Variants in DCDC2C observed in about 807,000 individuals in gnomAD.
DCDC2C encodes the protein doublecortin domain-containing protein 2C.
In DCDC2C, 44 loss-of-function variants were observed where a neutral mutation model predicts 45.0. The ratio of observed to expected loss-of-function variants is 0.98; its 90% CI spans 0.77 to 1.26. The LOEUF (loss-of-function observed/expected upper bound fraction) is 1.26, where lower values mean the gene tolerates loss of function less well. Among genes scored for constraint, DCDC2C ranks in the 50% most tolerant of loss-of-function variants. DCDC2C has a pLI of 0.00. For missense variants in DCDC2C, 447 were observed against 468.9 expected, an observed-to-expected ratio of 0.95 and a Z score of 0.43; for synonymous variants, 187 against 178.8, an observed-to-expected ratio of 1.05 and a Z score of -0.37.
At chr2:3,736,886 A>T (rs1427536387) in intron 3 of DCDC2C, among the ~76,000 whole-genome samples, 1 of 152,214 alleles carries the variant, frequency 6.6e-6, no homozygotes, top group African/African-American at 2.4e-5. Flanking sequence ...CTTAGTTTTA[A>T]AGAATAATGC....
At chr2:3,710,038 A>T (rs1019392596) in intron 2 of DCDC2C, among the ~76,000 whole-genome samples, 3 of 152,134 alleles carry the variant, frequency 2.0e-5, no homozygotes, top group African/African-American at 4.8e-5. Flanking sequence ...AGTTTAAAAA[A>T]TTTTTATTTT....
Position 3,706,515 on chromosome 2 carries a change from A to T in DCDC2C, c.288-2034A>T, listed in dbSNP as rs796098676. 6.9e-4 allele frequency among the ~76,000 whole-genome samples: 105 copies of T among 151,994 alleles called. 1 individual carries two copies. The highest frequency in any genetic ancestry group is 2.5e-3 in the African/African-American group (102 of 41,398). On this transcript the variant is annotated intron_variant, in intron 1 of 10. Coordinates refer to ENST00000399143, the MANE Select transcript of DCDC2C (RefSeq NM_001287444.2). ...GAAAGCCACATTTACAACAAAATCT[A>T]AATCAGGGTGTTGTGTATGTGTGCA...
intron 3 of DCDC2C, among the ~76,000 whole-genome samples, chr2:3,729,094 C>A (rs755156766): frequency 1.7e-4 from 26 of 152,370 alleles, no homozygotes; most frequent in Non-Finnish European, 3.4e-4. Context: ...GTGGAAAACA[C>A]CCTGAGTCAG....
At position 3,741,970 on chromosome 2, in the gene DCDC2C, C is replaced by A; in HGVS notation, c.467C>A (p.Pro156His). 2.6e-6 allele frequency: 4 copies of A among 1,548,006 alleles called. No homozygotes were observed. The highest frequency in any genetic ancestry group is 3.5e-6 in the Non-Finnish European group (4 of 1,145,926). The change falls in exon 4 of 11, where the codon CCC becomes CAC. Residue 156 changes from proline to histidine, a missense_variant. Coordinates refer to ENST00000399143, the MANE Select transcript of DCDC2C (RefSeq NM_001287444.2). ...ATTCCACCTGCAAAAATCATTATAC[C>A]CAAATTTAGTCTGTCCGATTGGGAC... ...LFIPPAKIIIPKFSLSDWDIV... is the reference protein window; with the variant it reads ...LFIPPAKIIIHKFSLSDWDIV...
rs114375415 is a variant in DCDC2C at position 3,708,671 on chromosome 2, C to T, written c.339+71C>T. On this transcript the variant is annotated intron_variant, in intron 2 of 10. Transcript: ENST00000399143. ...CTTGGTAAAAATTTAAATGTCGGCA[C>T]GGAATAATTGAAGTTTCACAGAAGC... 2,732 of 1,215,518 alleles carry T rather than the reference C, an allele frequency of 2.2e-3. 4 individuals are homozygous for T. Among genetic ancestry groups the T allele is most frequent in the Non-Finnish European group, 2.9e-3 (2,501 of 853,344 alleles). 75.3% of individuals were successfully genotyped at this position (1,215,518 alleles called of 1,614,324 possible).
chr2:3,831,315 T>G (rs114413825), intron 10 of DCDC2C, among the ~76,000 whole-genome samples: 1,602 of 152,338 alleles, frequency 0.011, 42 homozygotes, highest in African/African-American at 0.037. Context: ...ATTCTGCCCT[T>G]GTGCAAACGT....
At chr2:3,719,386 G>T (rs1668433612) in intron 2 of DCDC2C, among the ~76,000 whole-genome samples, 1 of 152,304 alleles carries the variant, frequency 6.6e-6, no homozygotes, top group South Asian at 2.1e-4. Context: ...TGCCCAGCCA[G>T]CTGTTTTCAT....
intron 10 of DCDC2C, among the ~76,000 whole-genome samples, chr2:3,815,147 C>T (rs950422373): frequency 6.6e-6 from 1 of 152,208 alleles, no homozygotes; most frequent in African/African-American, 2.4e-5. Context: ...AGGATTGGTA[C>T]GCTAGGTCCC....
intron 10 of DCDC2C, among the ~76,000 whole-genome samples, chr2:3,786,348 C>G (rs6737478): frequency 0.015 from 1,387 of 94,344 alleles, 42 homozygotes; most frequent in African/African-American, 0.052. Flanking sequence ...CTCCGGTGTG[C>G]GTGTGTCCCG....
At chr2:3,735,693 G>T (rs1302735005) in intron 3 of DCDC2C, among the ~76,000 whole-genome samples, 1 of 152,098 alleles carries the variant, frequency 6.6e-6, no homozygotes, top group African/African-American at 2.4e-5. Flanking sequence ...AATTTTCATG[G>T]TAGGGAATTC....
chr2:3,755,635 A>G (rs955663247), intron 6 of DCDC2C, among the ~76,000 whole-genome samples: 1 of 151,826 alleles, frequency 6.6e-6, no homozygotes, highest in Admixed American at 6.6e-5. Context: ...GTGTGTGCCT[A>G]TGACTACATA....
intron 2 of DCDC2C, among the ~76,000 whole-genome samples, chr2:3,720,052 A>C (rs1199772388): frequency 6.6e-6 from 1 of 152,202 alleles, no homozygotes; most frequent in Non-Finnish European, 1.5e-5. Flanking sequence ...AAAGCACCTG[A>C]AGGATGGTGG....
intron 2 of DCDC2C, among the ~76,000 whole-genome samples, chr2:3,726,668 T>C (rs13020649): frequency 0.13 from 19,364 of 152,246 alleles, 1,363 homozygotes; most frequent in Non-Finnish European, 0.18. Flanking sequence ...CGCATGCTTC[T>C]TGGGGACCAT....
chr2:3,769,411 G>C lies in DCDC2C; in HGVS notation c.954G>C (p.Gln318His). The change falls in exon 8 of 11, where the codon CAG becomes CAC. Residue 318 changes from glutamine to histidine, a missense_variant and splice_region_variant. Coordinates refer to ENST00000399143, the MANE Select transcript of DCDC2C (RefSeq NM_001287444.2). ...TGCAGCTGGAGGTGCCTGTGGACCAGGTGGGTGTCCGGGGTCCGATGTCCA... is the reference window on the plus strand; with the variant it reads ...TGCAGCTGGAGGTGCCTGTGGACCACGTGGGTGTCCGGGGTCCGATGTCCA... ...HNVQLEVPVD[Q>H]RQAEIVKEDE... The C allele has an allele frequency of 6.5e-7, 1 of 1,550,244 alleles. No homozygotes were observed. The highest frequency in any genetic ancestry group is 8.7e-7 in the Non-Finnish European group (1 of 1,146,800).
chr2:3,773,436 T>C (rs565301708), intron 8 of DCDC2C, among the ~76,000 whole-genome samples: 12 of 152,332 alleles, frequency 7.9e-5, no homozygotes, highest in Admixed American at 5.9e-4. Flanking sequence ...GTGCATGGCC[T>C]GTGTGCCTGC....
rs150084244 is a variant in DCDC2C at position 3,812,965 on chromosome 2, T to G, written c.1065+27865T>G. Among the ~76,000 whole-genome samples the G allele has an allele frequency of 3.3e-3, 497 of 151,800 alleles. 2 individuals carry two copies. Among genetic ancestry groups the G allele is most frequent in the Non-Finnish European group, 5.5e-3 (372 of 67,948 alleles). The stretch of plus-strand genomic sequence containing the variant: ...GAGACTGTTATGATTTCAGTTCTTT[T>G]GCATTTGCTGAGTGTTTTACTTCCA... On this transcript the variant is annotated intron_variant, in intron 10 of 10. Transcript: ENST00000399143.
intron 8 of DCDC2C, among the ~76,000 whole-genome samples, chr2:3,771,130 A>G (rs551439031): frequency 6.6e-6 from 1 of 152,358 alleles, no homozygotes; most frequent in African/African-American, 2.4e-5. Context: ...GAGCTAGGTC[A>G]TCCGTCCTCC....
intron 9 of DCDC2C, 91 bp downstream of exon 9, chr2:3,778,975 G>A: frequency 7.8e-7 from 1 of 1,289,678 alleles, no homozygotes; most frequent in Admixed American, 2.3e-5. Context: ...AAGGATCTGA[G>A]ATCACAAGTC....
chr2:3,725,521 CAGA>C (rs1668632610), intron 2 of DCDC2C, among the ~76,000 whole-genome samples: 1 of 30,134 alleles, frequency 3.3e-5, no homozygotes, highest in Non-Finnish European at 8.1e-5. Context: ...CGGTGGATCC[CAGA>C]GGAAGACGAG....
Sources: allele counts gnomAD v4.1 joint callset (sites outside exome capture counted in the v4.1 genomes callset), GRCh38; gene constraint gnomAD v4.1.1; transcripts MANE v1.5; gene names NCBI Gene and HGNC (gene_info 2026-07-23, HGNC 2026-07-21).